The following SIPA1L1 variants were observed in gnomAD, a reference collection of about 807,000 sequenced individuals.
The protein encoded by SIPA1L1 is signal-induced proliferation-associated 1-like protein 1.
Under a neutral mutation model 162.7 loss-of-function variants are expected in SIPA1L1, and 26 were observed. The observed-to-expected ratio is 0.16, with a 90% CI of 0.12 to 0.22. The LOEUF (loss-of-function observed/expected upper bound fraction) is 0.22, where lower values mean the gene tolerates loss of function less well. Among genes scored for constraint, SIPA1L1 ranks in the 10% least tolerant of loss-of-function variants. The probability of loss-of-function intolerance (pLI) is 1.00; values close to 1 mark genes in which losing one functional copy is unlikely to be tolerated. For synonymous variants in SIPA1L1, 829 were observed against 837.4 expected (o/e 0.99, Z 0.17); for missense variants, 1,874 against 2,241.0 (o/e 0.84, Z 3.31).
chr14:71,595,471 C>T (rs2035925555), intron 5 of SIPA1L1, among the ~76,000 whole-genome samples: 1 of 152,206 alleles, frequency 6.6e-6, no homozygotes, highest in Non-Finnish European at 1.5e-5. Flanking sequence ...CTCAACTATA[C>T]AGCTTTGATT....
Position 71,674,549 on chromosome 14 carries a change from G to GT in SIPA1L1, c.3104+1937dup, listed in dbSNP as rs776605036. ...TTGTGATAGTGTTAGTAGCATTCCTGTTTTTTTTTTGTTTTTTTTTGTTTT... is the reference window on the plus strand; with the variant it reads ...TTGTGATAGTGTTAGTAGCATTCCTGTTTTTTTTTTTGTTTTTTTTTGTTTT... On this transcript the variant is annotated intron_variant, in intron 12 of 23. Coordinates refer to ENST00000381232, the MANE Select transcript of SIPA1L1 (RefSeq NM_001386936.1). Among the ~76,000 whole-genome samples the GT allele has an allele frequency of 3.2e-3, 446 of 137,282 alleles. 2 individuals carry two copies. Among genetic ancestry groups the GT allele is most frequent in the African/African-American group, 4.2e-3 (153 of 36,374 alleles). 90.1% of individuals were successfully genotyped at this position (137,282 alleles called of 152,430 possible).
chr14:71,456,612 A>G (rs2046207316), intron 2 of SIPA1L1, among the ~76,000 whole-genome samples: 1 of 152,202 alleles, frequency 6.6e-6, no homozygotes. Context: ...GCATCCTTAT[A>G]GTGTTGGCTT....
At chr14:71,580,627 T>G (rs2033793931) in intron 4 of SIPA1L1, among the ~76,000 whole-genome samples, 2 of 152,244 alleles carry the variant, frequency 1.3e-5, no homozygotes, top group Non-Finnish European at 2.9e-5. Context: ...TGATTTCATT[T>G]TAATTAGGGG....
chr14:71,712,003 C>T (rs2082907979), intron 17 of SIPA1L1, among the ~76,000 whole-genome samples: 1 of 152,154 alleles, frequency 6.6e-6, no homozygotes, highest in African/African-American at 2.4e-5. Flanking sequence ...GCTTTAGCAG[C>T]CTGCCTTTTC....
chr14:71,549,404 C>G (rs1409870133), intron 4 of SIPA1L1, among the ~76,000 whole-genome samples: 2 of 151,962 alleles, frequency 1.3e-5, no homozygotes, highest in African/African-American at 4.8e-5. Context: ...ATATGTGAAC[C>G]AAGTAATTCT....
intron 7 of SIPA1L1, among the ~76,000 whole-genome samples, chr14:71,629,241 G>C (rs1199714562): frequency 6.6e-6 from 1 of 152,154 alleles, no homozygotes; most frequent in African/African-American, 2.4e-5. Flanking sequence ...TTGGCCAAAA[G>C]TAGATGATTT....
chr14:71,543,913 TAC>T (rs1315795984), intron 4 of SIPA1L1, among the ~76,000 whole-genome samples: 3 of 150,202 alleles, frequency 2.0e-5, no homozygotes, highest in Non-Finnish European at 3.0e-5. Context: ...TGTGTATATA[TAC>T]ATATATCATA....
chr14:71,593,767 G>A (rs2035697828), intron 5 of SIPA1L1, among the ~76,000 whole-genome samples: 1 of 152,098 alleles, frequency 6.6e-6, no homozygotes, highest in Non-Finnish European at 1.5e-5. Context: ...TGAAGACAGA[G>A]GAGCCCATGG....
At position 71,568,036 on chromosome 14, in the gene SIPA1L1, C is replaced by T. The variant is rs561905607; in HGVS notation, c.-302-19535C>T. Among the ~76,000 whole-genome samples, 22 of 152,294 alleles carry T rather than the reference C, an allele frequency of 1.4e-4. No individual in the cohort carries two copies. In the South Asian group the frequency reaches 1.4e-3, roughly 10 times the overall value. On this transcript the variant is annotated intron_variant, in intron 4 of 23. Transcript: ENST00000381232. The stretch of plus-strand genomic sequence containing the variant: ...AACCAGAGGTCACTTTGATTGCCAT[C>T]TTGGTTTTGGTGGGGTTTGGCTGGC...
chr14:71,739,299 A>G lies in SIPA1L1; in HGVS notation c.*138A>G. 1 of 620,270 alleles carries G rather than the reference A, an allele frequency of 1.6e-6. No homozygotes were observed. The highest frequency in any genetic ancestry group is 6.0e-5 in the South Asian group (1 of 16,554). The allele number at this position is 620,270 out of a possible 1,614,324, so 38.4% of individuals were successfully genotyped here. ...TCTGCCCCCTTTCGGGGAGTGCACA[A>G]CACAATAGTTGCAGATCAACAATCA... On this transcript the variant is annotated 3_prime_UTR_variant, in exon 24 of 24. Transcript: ENST00000381232.
At chr14:71,590,720 A>G (rs1192458285) in intron 5 of SIPA1L1, among the ~76,000 whole-genome samples, 3 of 152,210 alleles carry the variant, frequency 2.0e-5, no homozygotes, top group Non-Finnish European at 4.4e-5. Flanking sequence ...TCTGAAGTTT[A>G]TATTTTAGAA....
chr14:71,381,808 G>T (rs919946765), intron 2 of SIPA1L1, among the ~76,000 whole-genome samples: 1 of 152,142 alleles, frequency 6.6e-6, no homozygotes, highest in Non-Finnish European at 1.5e-5. Context: ...CCTCTTCTCT[G>T]TGAATATATT....
At chr14:71,533,087 C>A (rs1034400290) in intron 4 of SIPA1L1, among the ~76,000 whole-genome samples, 3 of 152,158 alleles carry the variant, frequency 2.0e-5, no homozygotes, top group Non-Finnish European at 2.9e-5. Context: ...TCTTCCCTTT[C>A]GAAAATGTTG....
chr14:71,654,951 T>A (rs920649858), intron 8 of SIPA1L1, among the ~76,000 whole-genome samples: 1 of 152,268 alleles, frequency 6.6e-6, no homozygotes, highest in South Asian at 2.1e-4. Context: ...CTTAGTAATA[T>A]AGTAAACAGT....
At chr14:71,730,758 C>T (rs2084688151) in intron 20 of SIPA1L1, among the ~76,000 whole-genome samples, 1 of 152,158 alleles carries the variant, frequency 6.6e-6, no homozygotes, top group Admixed American at 6.5e-5. Flanking sequence ...TTTGTTGACT[C>T]ATTGATTTCT....
At chr14:71,545,134 AT>A (rs1160227950) in intron 4 of SIPA1L1, among the ~76,000 whole-genome samples, 1 of 152,238 alleles carries the variant, frequency 6.6e-6, no homozygotes, top group Non-Finnish European at 1.5e-5. Flanking sequence ...TGCTAGGATT[AT>A]AGGCATGAGA....
At chr14:71,658,965 G>A (rs1041698955) in intron 9 of SIPA1L1, among the ~76,000 whole-genome samples, 10 of 152,196 alleles carry the variant, frequency 6.6e-5, no homozygotes, top group Admixed American at 6.5e-4. Context: ...CATACACAGA[G>A]CTTCTCTTAA....
At chr14:71,523,308 G>A (rs2052541375) in intron 3 of SIPA1L1, among the ~76,000 whole-genome samples, 1 of 150,230 alleles carries the variant, frequency 6.7e-6, no homozygotes, top group Admixed American at 6.7e-5. Context: ...CTAGATTTTA[G>A]ATGAAAGTTA....
intron 4 of SIPA1L1, among the ~76,000 whole-genome samples, chr14:71,578,717 C>T (rs957679001): frequency 1.3e-5 from 2 of 152,242 alleles, no homozygotes; most frequent in African/African-American, 4.8e-5. Context: ...TTTACTTCAT[C>T]TGTCTGACGT....
Sources: gnomAD v4.1 joint callset for allele counts (sites outside exome capture counted in the v4.1 genomes callset) on GRCh38, gnomAD v4.1.1 for gene constraint, MANE v1.5 for transcripts, NCBI Gene and HGNC (gene_info 2026-07-23, HGNC 2026-07-21) for gene names.